OXR1: variants seen among roughly 807,000 people sequenced by gnomAD.
OXR1 encodes the protein oxidation resistance protein 1.
A neutral mutation model predicts 104.6 loss-of-function variants in OXR1; 41 were observed. The observed-to-expected ratio is 0.39, with a 90% confidence interval of 0.31 to 0.51. OXR1 has a LOEUF of 0.51. Among genes scored for constraint, OXR1 ranks in the 20% least tolerant of loss-of-function variants. The pLI, the probability that OXR1 is intolerant of heterozygous loss-of-function variation, is 0.77. For synonymous variants in OXR1, 348 were observed against 348.4 expected (o/e 1.00, Z 0.01); for missense variants, 955 against 1,031.9 (o/e 0.93, Z 1.02).
chr8:106,613,693 C>T (rs900063744), intron 3 of OXR1, among the ~76,000 whole-genome samples: 1 of 152,180 alleles, frequency 6.6e-6, no homozygotes, highest in African/African-American at 2.4e-5. Context: ...GCCACTGAGC[C>T]CAGCCTGTTA....
At chr8:106,542,423 G>A (rs576035919) in intron 3 of OXR1, among the ~76,000 whole-genome samples, 1 of 152,216 alleles carries the variant, frequency 6.6e-6, no homozygotes, top group African/African-American at 2.4e-5. Context: ...AAATTTGGAG[G>A]CAGAGCTTCC....
chr8:106,664,990 A>G (rs1165461267), intron 3 of OXR1, among the ~76,000 whole-genome samples: 2 of 152,250 alleles, frequency 1.3e-5, no homozygotes, highest in Admixed American at 6.5e-5. Context: ...AAACATTAGC[A>G]AACTTGTAAG....
intron 2 of OXR1, among the ~76,000 whole-genome samples, chr8:106,517,823 A>G (rs1391348828): frequency 6.6e-6 from 1 of 152,236 alleles, no homozygotes; most frequent in Admixed American, 6.5e-5. Context: ...TCATAATTTA[A>G]TGACTAAAAT....
intron 7 of OXR1, among the ~76,000 whole-genome samples, chr8:106,698,411 TG>T (rs1393918899): frequency 2.0e-5 from 3 of 152,190 alleles, no homozygotes; most frequent in African/African-American, 7.2e-5. Flanking sequence ...TCCTTTAGCT[TG>T]GTTCTGTAGG....
At position 106,469,455 on chromosome 8, in the gene OXR1, G is replaced by A. The variant is rs984061949; in HGVS notation, c.24-49488G>A. Among the ~76,000 whole-genome samples, 3 of 151,960 alleles carry A rather than the reference G, an allele frequency of 2.0e-5. 1 individual carries two copies. Among genetic ancestry groups the A allele is most frequent in the Admixed American group, 2.0e-4 (3 of 15,210 alleles). The stretch of plus-strand genomic sequence containing the variant: ...CTTAAATTGGGATGGCAGGAGCTGT[G>A]AGAGCACAGTTATACATACAAGAGC... On this transcript the variant is annotated intron_variant, in intron 2 of 16. Transcript: ENST00000517566.
In OXR1 at chr8:106,697,675, G is replaced by A. The variant is rs1472481865; in HGVS notation, c.675+4798G>A. 2.5e-6 allele frequency: 4 copies of A among 1,613,958 alleles called. No homozygotes were observed. The African/African-American group carries it at 5.3e-5, about 22-fold the overall frequency. On this transcript the variant is annotated intron_variant, in intron 7 of 16. Coordinates refer to ENST00000517566, the MANE Select transcript of OXR1 (RefSeq NM_001198533.2). ...GTTCTTTCCTTCCCAGAGGTCCACAGTTTGGAAGATGTCAGTGGTGTTAAT... is the reference window on the plus strand; with the variant it reads ...GTTCTTTCCTTCCCAGAGGTCCACAATTTGGAAGATGTCAGTGGTGTTAAT...
intron 1 of OXR1, among the ~76,000 whole-genome samples, chr8:106,285,180 A>G (rs951434103): frequency 2.6e-5 from 4 of 152,092 alleles, no homozygotes; most frequent in African/African-American, 9.7e-5. Context: ...TCCCCATTTG[A>G]TTAGCAAACA....
chr8:106,607,026 C>G (rs886508294), intron 3 of OXR1, among the ~76,000 whole-genome samples: 2 of 152,166 alleles, frequency 1.3e-5, no homozygotes, highest in African/African-American at 4.8e-5. Context: ...CAACACCTTT[C>G]ACAAACAGTA....
At chr8:106,393,662 G>A (rs1339987879) in intron 2 of OXR1, among the ~76,000 whole-genome samples, 1 of 151,832 alleles carries the variant, frequency 6.6e-6, no homozygotes, top group Admixed American at 6.6e-5. Flanking sequence ...CATAACATAA[G>A]GTGGATTGAA....
chr8:106,285,525 A>C (rs1184356138), intron 1 of OXR1, among the ~76,000 whole-genome samples: 1 of 152,058 alleles, frequency 6.6e-6, no homozygotes, highest in Non-Finnish European at 1.5e-5. Context: ...GTGTGTCCCC[A>C]TATGTGCAAT....
chr8:106,436,594 T>C (rs544394926), intron 2 of OXR1, among the ~76,000 whole-genome samples: 2 of 152,208 alleles, frequency 1.3e-5, no homozygotes, highest in Admixed American at 6.5e-5. Flanking sequence ...ACCTAAGTTT[T>C]AATGGTTTAA....
chr8:106,466,365 G>T (rs1231167827), intron 2 of OXR1, among the ~76,000 whole-genome samples: 1 of 151,754 alleles, frequency 6.6e-6, no homozygotes, highest in Admixed American at 6.6e-5. Flanking sequence ...TGTGGGGAGA[G>T]TGTGGCAGAC....
chr8:106,750,668 T>C (rs1835827021), intron 16 of OXR1, 138 bp from the exon 17 acceptor site: 6 of 603,496 alleles, frequency 9.9e-6, no homozygotes, highest in Non-Finnish European at 1.4e-5. Flanking sequence ...TAAAACAAAA[T>C]TGTGTCAGTG....
intron 3 of OXR1, among the ~76,000 whole-genome samples, chr8:106,567,482 T>C (rs1817165870): frequency 6.6e-6 from 1 of 152,166 alleles, no homozygotes; most frequent in African/African-American, 2.4e-5. Context: ...ATTCATTTTT[T>C]AGCCTCATCT....
At chr8:106,504,829 A>AT (rs983997469) in intron 2 of OXR1, among the ~76,000 whole-genome samples, 2 of 152,204 alleles carry the variant, frequency 1.3e-5, no homozygotes, top group East Asian at 1.9e-4. Context: ...ATGGATACAT[A>AT]TTTTTTCTAT....
At chr8:106,449,342 A>G (rs1242067291) in intron 2 of OXR1, among the ~76,000 whole-genome samples, 1 of 152,274 alleles carries the variant, frequency 6.6e-6, no homozygotes, top group East Asian at 1.9e-4. Context: ...TACATAGAAT[A>G]TGGTTTAGTC....
chr8:106,459,612 G>T (rs1424902342), intron 2 of OXR1, among the ~76,000 whole-genome samples: 1 of 151,806 alleles, frequency 6.6e-6, no homozygotes, highest in Non-Finnish European at 1.5e-5. Flanking sequence ...CTTTATTCCT[G>T]TCCCCATCTA....
chr8:106,322,559 T>G (rs1474329225), intron 1 of OXR1, among the ~76,000 whole-genome samples: 1 of 152,074 alleles, frequency 6.6e-6, no homozygotes, highest in African/African-American at 2.4e-5. Context: ...GAGAAAGAAA[T>G]AAAGGGCATC....
chr8:106,649,857 C>A (rs1824411866), intron 3 of OXR1, among the ~76,000 whole-genome samples: 1 of 152,056 alleles, frequency 6.6e-6, no homozygotes, highest in South Asian at 2.1e-4. Context: ...CCGCCACGCC[C>A]AGCTAATTTT....
Sources: allele counts gnomAD v4.1 joint callset (sites outside exome capture counted in the v4.1 genomes callset), GRCh38; gene constraint gnomAD v4.1.1; transcripts MANE v1.5; gene names NCBI Gene and HGNC (gene_info 2026-07-23, HGNC 2026-07-21).